The following SENP5 variants were observed in gnomAD, a reference collection of about 807,000 sequenced individuals.
SENP5 encodes sentrin-specific protease 5.
In SENP5, 21 loss-of-function variants were observed where a neutral mutation model predicts 74.2. The ratio of observed to expected loss-of-function variants is 0.28; its 90% CI spans 0.20 to 0.41. The LOEUF is 0.41. Ranked by LOEUF, SENP5 falls within the 10% of genes least tolerant of loss-of-function variation. The pLI, the probability that SENP5 is intolerant of heterozygous loss-of-function variation, is 1.00. For synonymous variants in SENP5, 311 were observed against 312.7 expected, an observed-to-expected ratio of 0.99 and a Z score of 0.06; for missense variants, 717 against 889.1, an observed-to-expected ratio of 0.81 and a Z score of 2.46.
rs951682838 is a variant in SENP5, at chr3:196,933,653, T to C, written c.*2730T>C. 2 of 151,416 alleles carry C rather than the reference T, an allele frequency of 1.3e-5. No homozygotes were observed. Among genetic ancestry groups the C allele is most frequent in the African/African-American group, 2.4e-5 (1 of 41,082 alleles). The allele number at this position is 151,416 out of a possible 1,614,324, so 9.4% of individuals were successfully genotyped here. The stretch of plus-strand genomic sequence containing the variant: ...TCTTGCTCTGTTGCCCAGGCTGGAG[T>C]GCAGTGATGTGATCTCGGCTCACTG... On this transcript the variant is annotated 3_prime_UTR_variant, in exon 10 of 10. Transcript: ENST00000323460.
rs934437930 is a variant in SENP5, at chr3:196,934,451, C to G, written c.*3528C>G. 2.1e-4 allele frequency: 32 copies of G among 152,350 alleles called. No homozygotes were observed. The highest frequency in any genetic ancestry group is 7.5e-4 in the African/African-American group (31 of 41,578). 9.4% of individuals were successfully genotyped at this position (152,350 alleles called of 1,614,324 possible). ...TGCCTAGTTAAGAAACTGAATTAATCAGCAGTTACAAAGCACATACTTTGT... is the reference window on the plus strand; with the variant it reads ...TGCCTAGTTAAGAAACTGAATTAATGAGCAGTTACAAAGCACATACTTTGT... On this transcript the variant is annotated 3_prime_UTR_variant, in exon 10 of 10. Coordinates refer to ENST00000323460, the MANE Select transcript of SENP5 (RefSeq NM_152699.5).
intron 2 of SENP5, among the ~76,000 whole-genome samples, chr3:196,889,356 G>A (rs913213066): frequency 2.6e-5 from 4 of 152,090 alleles, no homozygotes; most frequent in African/African-American, 9.7e-5. Context: ...TTTCAAGTAC[G>A]GTTGATAAAT....
chr3:196,872,379 A>G (rs1713254764), intron 1 of SENP5, among the ~76,000 whole-genome samples: 1 of 152,190 alleles, frequency 6.6e-6, no homozygotes, highest in Admixed American at 6.5e-5. Flanking sequence ...TCTTTGCTCC[A>G]GGGTCAGATT....
chr3:196,913,389 GA>G (rs1267695422), intron 6 of SENP5: 1 of 151,788 alleles, frequency 6.6e-6, no homozygotes, highest in Non-Finnish European at 1.5e-5. Flanking sequence ...CCAAGATAGT[GA>G]AACCTCTTTT....
intron 2 of SENP5, among the ~76,000 whole-genome samples, chr3:196,898,655 C>T (rs555829044): frequency 4.6e-5 from 7 of 152,186 alleles, no homozygotes; most frequent in Non-Finnish European, 7.4e-5. Flanking sequence ...TGGCTCACGC[C>T]TGTAATCCCA....
intron 1 of SENP5, among the ~76,000 whole-genome samples, chr3:196,882,139 T>G (rs1201071488): frequency 6.6e-6 from 1 of 152,118 alleles, no homozygotes; most frequent in Non-Finnish European, 1.5e-5. Flanking sequence ...CCTCAAGTGA[T>G]CCGCCTGTCT....
At chr3:196,903,505 G>A in intron 5 of SENP5, 28 bp from the exon 6 acceptor site, 3 of 1,476,672 alleles carry the variant, frequency 2.0e-6, no homozygotes, top group Non-Finnish European at 2.8e-6. Context: ...AATATAATCT[G>A]GTTGCTTGTG....
chr3:196,921,411 A>G (rs1236100963), intron 6 of SENP5, among the ~76,000 whole-genome samples: 2 of 152,174 alleles, frequency 1.3e-5, no homozygotes, highest in Non-Finnish European at 2.9e-5. Flanking sequence ...GCCTGTATAA[A>G]GCTCTATGTA....
At chr3:196,914,586 A>AAAAAAAAAAAAAAAAAATAT in intron 6 of SENP5, 3 of 33,508 alleles carry the variant, frequency 9.0e-5, no homozygotes, top group Non-Finnish European at 1.0e-4. Context: ...AAAAAAAAAA[A>AAAAAAAAAAAAAAAAAATAT]ATATATATAT....
At position 196,932,662 on chromosome 3, in the gene SENP5, A is replaced by T. The variant is rs1290088483; in HGVS notation, c.*1739A>T. On this transcript the variant is annotated 3_prime_UTR_variant, in exon 10 of 10. Coordinates refer to ENST00000323460, the MANE Select transcript of SENP5 (RefSeq NM_152699.5). ...AGTTTAGGGTAAGGAAGATCTCATAATGAGTTTTTCAAACATAATTATGCA... is the reference window on the plus strand; with the variant it reads ...AGTTTAGGGTAAGGAAGATCTCATATTGAGTTTTTCAAACATAATTATGCA... 2 of 151,690 alleles carry T rather than the reference A, an allele frequency of 1.3e-5. No homozygotes were observed. The highest frequency in any genetic ancestry group is 2.9e-5 in the Non-Finnish European group (2 of 67,946). 9.4% of individuals were successfully genotyped at this position (151,690 alleles called of 1,614,324 possible). A position where few individuals can be genotyped will look rare whatever the true frequency, so the allele number is the denominator to read the frequency against.
chr3:196,913,339 G>A (rs1391936698), intron 6 of SENP5: 2 of 152,068 alleles, frequency 1.3e-5, no homozygotes, highest in Non-Finnish European at 2.9e-5. Context: ...GGAGCCCGAG[G>A]CAGGTGAATC....
chr3:196,895,086 G>A (rs1488208461), intron 2 of SENP5, among the ~76,000 whole-genome samples: 3 of 152,170 alleles, frequency 2.0e-5, no homozygotes, highest in Non-Finnish European at 2.9e-5. Context: ...TGCACAGCAC[G>A]GGGAACCTCA....
At chr3:196,879,715 A>G (rs1284830590) in intron 1 of SENP5, among the ~76,000 whole-genome samples, 3 of 152,156 alleles carry the variant, frequency 2.0e-5, no homozygotes, top group East Asian at 3.8e-4. Context: ...AGAAGGATGC[A>G]TGGGAGGTAA....
intron 2 of SENP5, among the ~76,000 whole-genome samples, chr3:196,892,737 G>A (rs75488116): frequency 0.23 from 34,270 of 151,836 alleles, 4,026 homozygotes; most frequent in African/African-American, 0.29. Context: ...CCCAGCCCCT[G>A]GTAACTACCG....
At chr3:196,884,869 A>G (rs1048980180) in intron 1 of SENP5, among the ~76,000 whole-genome samples, 1 of 152,138 alleles carries the variant, frequency 6.6e-6, no homozygotes, top group African/African-American at 2.4e-5. Context: ...CTGGGATTGC[A>G]GGTGTGAGCC....
chr3:196,925,322 CAAG>C (rs1715773756), intron 7 of SENP5, among the ~76,000 whole-genome samples: 1 of 152,244 alleles, frequency 6.6e-6, no homozygotes, highest in South Asian at 2.1e-4. Context: ...ACCCCAAAAA[CAAG>C]AAGCCTCGTG....
At chr3:196,887,880 G>A (rs1187497529) in intron 2 of SENP5, among the ~76,000 whole-genome samples, 1 of 152,070 alleles carries the variant, frequency 6.6e-6, no homozygotes, top group Non-Finnish European at 1.5e-5. Flanking sequence ...CAGTTCTCCT[G>A]CCTCAGCCTC....
Position 196,915,326 on chromosome 3 carries a change from C to T in SENP5, c.1885-8088C>T, listed in dbSNP as rs142660119. On this transcript the variant is annotated intron_variant, in intron 6 of 9. Transcript: ENST00000323460. ...GGAGGTGCTCTTTCCATTTGGGGAA[C>T]GGAGAGGAAAGAGTACAGAATATTG... 3.3e-5 allele frequency among the ~76,000 whole-genome samples: 5 copies of T among 152,170 alleles called. No homozygotes were observed. In the East Asian group the frequency reaches 5.8e-4, roughly 18 times the overall value.
At chr3:196,877,299 C>G (rs908644717) in intron 1 of SENP5, among the ~76,000 whole-genome samples, 1 of 152,140 alleles carries the variant, frequency 6.6e-6, no homozygotes, top group Non-Finnish European at 1.5e-5. Context: ...TCTTCTGCCT[C>G]AGGCTCCTGA....
Sources: allele counts gnomAD v4.1 joint callset (sites outside exome capture counted in the v4.1 genomes callset), GRCh38; gene constraint gnomAD v4.1.1; transcripts MANE v1.5; gene names NCBI Gene and HGNC (gene_info 2026-07-23, HGNC 2026-07-21).